LHFPL3: variants seen among roughly 807,000 people sequenced by gnomAD.
LHFPL3 encodes the protein LHFPL tetraspan subfamily member 3.
A neutral mutation model predicts 19.3 loss-of-function variants in LHFPL3; 5 were observed. The ratio of observed to expected loss-of-function variants is 0.26; its 90% confidence interval spans 0.14 to 0.54. The LOEUF is 0.54. LHFPL3 is among the 20% of genes least tolerant of loss of function. LHFPL3 has a pLI of 0.94. For missense variants in LHFPL3, 249 were observed against 307.4 expected (o/e 0.81, Z 1.42); for synonymous variants, 133 against 126.2 (o/e 1.05, Z -0.36).
chr7:104,840,343 T>C (rs1791175565), intron 2 of LHFPL3, among the ~76,000 whole-genome samples: 1 of 131,512 alleles, frequency 7.6e-6, no homozygotes, highest in Non-Finnish European at 1.6e-5. Context: ...TGAGACAAGG[T>C]CTCACTCTGT....
In LHFPL3 at chr7:104,772,606, G is replaced by C. The variant is rs548040296; in HGVS notation, c.682+35695G>C. Among the ~76,000 whole-genome samples, 273 of 152,318 alleles carry C rather than the reference G, an allele frequency of 1.8e-3. 1 individual carries two copies. The highest frequency in any genetic ancestry group is 0.013 in the South Asian group (63 of 4,826). On this transcript the variant is annotated intron_variant, in intron 2 of 2. Transcript: ENST00000424859. ...GCAGGCTGCGCTAGACTGCACTGCTGCTCTGCAAAGTGAATGGAAACATCA... is the reference window on the plus strand; with the variant it reads ...GCAGGCTGCGCTAGACTGCACTGCTCCTCTGCAAAGTGAATGGAAACATCA...
At chr7:104,363,855 G>C (rs1449097376) in intron 1 of LHFPL3, among the ~76,000 whole-genome samples, 1 of 152,202 alleles carries the variant, frequency 6.6e-6, no homozygotes, top group Non-Finnish European at 1.5e-5. Context: ...AGCAGTAGTA[G>C]AGTCTCCCAG....
intron 1 of LHFPL3, among the ~76,000 whole-genome samples, chr7:104,461,206 A>G (rs898309590): frequency 2.6e-5 from 4 of 152,234 alleles, no homozygotes; most frequent in Non-Finnish European, 5.9e-5. Flanking sequence ...GTATAAAACC[A>G]TCAGATCTCC....
chr7:104,512,418 T>C (rs1288847666), intron 1 of LHFPL3, among the ~76,000 whole-genome samples: 1 of 152,060 alleles, frequency 6.6e-6, no homozygotes, highest in Non-Finnish European at 1.5e-5. Context: ...GAGCTTTTCA[T>C]CTAGCAGGCT....
chr7:104,555,947 G>C (rs183877609), intron 1 of LHFPL3, among the ~76,000 whole-genome samples: 26 of 152,330 alleles, frequency 1.7e-4, no homozygotes, highest in African/African-American at 6.0e-4. Flanking sequence ...CCAGAATCCA[G>C]CAGGGCAGTA....
At chr7:104,610,261 T>C (rs1018557002) in intron 1 of LHFPL3, among the ~76,000 whole-genome samples, 5 of 152,174 alleles carry the variant, frequency 3.3e-5, no homozygotes, top group East Asian at 1.9e-4. Flanking sequence ...GTTTTTTTAA[T>C]TGACTAAAGC....
intron 1 of LHFPL3, among the ~76,000 whole-genome samples, chr7:104,334,185 ATT>A (rs1801618942): frequency 6.6e-6 from 1 of 152,178 alleles, no homozygotes; most frequent in African/African-American, 2.4e-5. Context: ...ATAATTTTTC[ATT>A]GAGTTAATAA....
chr7:104,753,376 T>TTTAACAGTCATATTTAAAGGGGAA (rs1460031542), intron 2 of LHFPL3, among the ~76,000 whole-genome samples: 1 of 152,186 alleles, frequency 6.6e-6, no homozygotes, highest in Non-Finnish European at 1.5e-5. Context: ...CTCATAATAT[T>TTTAACAGTCATATTTAAAGGGGAA]ATAAGGTTAT....
At chr7:104,538,986 T>C (rs1271619195) in intron 1 of LHFPL3, among the ~76,000 whole-genome samples, 5 of 152,180 alleles carry the variant, frequency 3.3e-5, no homozygotes, top group African/African-American at 1.2e-4. Flanking sequence ...GCAACATTAC[T>C]GGTTTTGAAG....
intron 1 of LHFPL3, among the ~76,000 whole-genome samples, chr7:104,360,531 G>A (rs572324310): frequency 2.0e-5 from 3 of 152,202 alleles, no homozygotes; most frequent in Admixed American, 6.5e-5. Context: ...GACTTGAAGA[G>A]GAGCCCCAAT....
intron 1 of LHFPL3, among the ~76,000 whole-genome samples, chr7:104,733,366 T>C (rs1419870298): frequency 1.3e-5 from 2 of 152,204 alleles, no homozygotes; most frequent in Non-Finnish European, 2.9e-5. Context: ...TAAGTCTCTT[T>C]GTAGGTCACT....
At chr7:104,887,038 C>A (rs1031735207) in intron 2 of LHFPL3, among the ~76,000 whole-genome samples, 1 of 152,236 alleles carries the variant, frequency 6.6e-6, no homozygotes, top group East Asian at 1.9e-4. Context: ...TTGTTTCCCA[C>A]GTCTGAAAGG....
chr7:104,496,144 A>G (rs529577009), intron 1 of LHFPL3, among the ~76,000 whole-genome samples: 9 of 152,002 alleles, frequency 5.9e-5, no homozygotes, highest in South Asian at 2.1e-4. Flanking sequence ...AATAGTCCCC[A>G]GTGTGTGATG....
intron 1 of LHFPL3, among the ~76,000 whole-genome samples, chr7:104,605,034 A>T (rs1462383148): frequency 6.6e-6 from 1 of 152,270 alleles, no homozygotes; most frequent in Non-Finnish European, 1.5e-5. Context: ...AGGCTATCAA[A>T]TGACTCTCAG....
rs897914091 is a variant in LHFPL3 at position 104,870,026 on chromosome 7, G to A, written c.683-36161G>A. 2.4e-3 allele frequency among the ~76,000 whole-genome samples: 369 copies of A among 151,868 alleles called. 4 individuals carry two copies. Among genetic ancestry groups the A allele is most frequent in the African/African-American group, 8.5e-3 (350 of 41,400 alleles). ...AAACGCCGCATGTTCTCACTCATAGGTGGGAATTGAACAATGAGAACACAT... is the reference window on the plus strand; with the variant it reads ...AAACGCCGCATGTTCTCACTCATAGATGGGAATTGAACAATGAGAACACAT... On this transcript the variant is annotated intron_variant, in intron 2 of 2. Coordinates refer to ENST00000424859, the MANE Select transcript of LHFPL3 (RefSeq NM_199000.3).
intron 1 of LHFPL3, among the ~76,000 whole-genome samples, chr7:104,337,701 G>T (rs1014146959): frequency 2.0e-5 from 3 of 152,134 alleles, no homozygotes; most frequent in Non-Finnish European, 4.4e-5. Context: ...TGGGGAAAGG[G>T]TACTTACAGT....
intron 1 of LHFPL3, among the ~76,000 whole-genome samples, chr7:104,459,362 T>A (rs1465462399): frequency 2.6e-5 from 4 of 152,218 alleles, no homozygotes; most frequent in African/African-American, 9.6e-5. Context: ...GTAACACATT[T>A]CCAACCAAAA....
At chr7:104,778,784 C>T (rs183761381) in intron 2 of LHFPL3, among the ~76,000 whole-genome samples, 1 of 152,248 alleles carries the variant, frequency 6.6e-6, no homozygotes, top group African/African-American at 2.4e-5. Context: ...AACACTTACA[C>T]ACTGTCATAG....
chr7:104,465,822 T>A (rs1792771931), intron 1 of LHFPL3, among the ~76,000 whole-genome samples: 1 of 152,248 alleles, frequency 6.6e-6, no homozygotes, highest in Admixed American at 6.5e-5. Context: ...CTTAATTTCA[T>A]TATTCACCTA....
Sources: gnomAD v4.1 joint callset for allele counts (sites outside exome capture counted in the v4.1 genomes callset) on GRCh38, gnomAD v4.1.1 for gene constraint, MANE v1.5 for transcripts, NCBI Gene and HGNC (gene_info 2026-07-23, HGNC 2026-07-21) for gene names.